ARB2A: variants seen among roughly 807,000 people sequenced by gnomAD.
The protein encoded by ARB2A is ARB2 cotranscriptional regulator A.
the ARB2A span, among the ~76,000 whole-genome samples, chr5:93,791,009 A>C: frequency 1.3e-5 from 2 of 152,222 alleles, no homozygotes; most frequent in African/African-American, 4.8e-5. Flanking sequence ...ATTCATCTCT[A>C]ATTTCTAAAA....
the ARB2A span, among the ~76,000 whole-genome samples, chr5:93,903,729 G>GTA: frequency 1.3e-5 from 2 of 151,498 alleles, no homozygotes; most frequent in African/African-American, 2.4e-5. Flanking sequence ...GTGTGTGTGT[G>GTA]TGTGTGTGTG....
At chr5:93,924,513 A>C in the ARB2A span, among the ~76,000 whole-genome samples, 1 of 152,144 alleles carries the variant, frequency 6.6e-6, no homozygotes, top group Non-Finnish European at 1.5e-5. Context: ...ACCACTGAAA[A>C]AGCTCTTAAT....
At chr5:94,030,946 CCAAA>C in the ARB2A span, among the ~76,000 whole-genome samples, 1 of 152,162 alleles carries the variant, frequency 6.6e-6, no homozygotes, top group African/African-American at 2.4e-5. Flanking sequence ...TCAACAGAAG[CCAAA>C]CAGACAATGG....
chr5:93,976,846 T>C, the ARB2A span, among the ~76,000 whole-genome samples: 2 of 152,140 alleles, frequency 1.3e-5, no homozygotes, highest in Admixed American at 6.5e-5. Context: ...TGATTCTATA[T>C]CTAGAAAACC....
chr5:93,957,407 C>T, the ARB2A span, among the ~76,000 whole-genome samples: 4 of 152,088 alleles, frequency 2.6e-5, no homozygotes, highest in African/African-American at 4.8e-5. Context: ...TCCGAAAATA[C>T]ATAGACAGGA....
the ARB2A span, among the ~76,000 whole-genome samples, chr5:93,669,885 T>A: frequency 6.6e-6 from 1 of 152,182 alleles, no homozygotes; most frequent in African/African-American, 2.4e-5. Context: ...TTTTTCTTTC[T>A]TATCCTGAAA....
the ARB2A span, among the ~76,000 whole-genome samples, chr5:93,904,134 C>T: frequency 6.6e-6 from 1 of 151,876 alleles, no homozygotes; most frequent in African/African-American, 2.4e-5. Flanking sequence ...ACTGTATAGA[C>T]TAAAGGGAAT....
At chr5:93,707,609 C>T in the ARB2A span, among the ~76,000 whole-genome samples, 1 of 145,948 alleles carries the variant, frequency 6.9e-6, no homozygotes, top group Non-Finnish European at 1.5e-5. Flanking sequence ...GAGTCTCACA[C>T]TGTCACCCAG....
chr5:93,789,630 C>T, the ARB2A span, among the ~76,000 whole-genome samples: 2 of 152,284 alleles, frequency 1.3e-5, no homozygotes, highest in Non-Finnish European at 2.9e-5. Flanking sequence ...GCATATTCTC[C>T]ATTTCATGGT....
chr5:93,626,795 T>A, the ARB2A span, among the ~76,000 whole-genome samples: 1 of 152,208 alleles, frequency 6.6e-6, no homozygotes, highest in African/African-American at 2.4e-5. Context: ...GAGTGATGAT[T>A]GCTAAAGATC....
the ARB2A span, among the ~76,000 whole-genome samples, chr5:93,725,969 C>A: frequency 7.2e-5 from 11 of 152,052 alleles, no homozygotes; most frequent in Admixed American, 5.9e-4. Context: ...GAAGGCCCTC[C>A]ACATAGCAGG....
At chr5:93,732,607 CTTAA>C in the ARB2A span, among the ~76,000 whole-genome samples, 1 of 151,294 alleles carries the variant, frequency 6.6e-6, no homozygotes, top group African/African-American at 2.4e-5. Context: ...AAACCCAAAC[CTTAA>C]TTTTTAGCAA....
chr5:93,929,950 A>C, the ARB2A span, among the ~76,000 whole-genome samples: 1 of 152,190 alleles, frequency 6.6e-6, no homozygotes, highest in Admixed American at 6.5e-5. Flanking sequence ...ATCTTCACTA[A>C]TCAGCAGGGT....
chr5:93,992,147 C>G, the ARB2A span, among the ~76,000 whole-genome samples: 10 of 152,000 alleles, frequency 6.6e-5, no homozygotes, highest in African/African-American at 2.4e-4. Flanking sequence ...AATCCCATCA[C>G]CTGGAACTCT....
the ARB2A span, among the ~76,000 whole-genome samples, chr5:94,064,024 A>C: frequency 2.6e-5 from 4 of 152,218 alleles, no homozygotes; most frequent in Admixed American, 1.3e-4. Flanking sequence ...ATGAAATCCC[A>C]GAAAAAGAAT....
chr5:93,683,693 T>C, the ARB2A span: 15 of 1,610,764 alleles, frequency 9.3e-6, no homozygotes, highest in Admixed American at 1.7e-4. Context: ...AGGGGGCTCA[T>C]GTCCATGTCC....
At chr5:93,778,071 C>T in the ARB2A span, among the ~76,000 whole-genome samples, 1 of 152,054 alleles carries the variant, frequency 6.6e-6, no homozygotes, top group Non-Finnish European at 1.5e-5. Flanking sequence ...TTCTTAAATA[C>T]TTTCTCTCTT....
chr5:93,767,141 T>G, the ARB2A span, among the ~76,000 whole-genome samples: 1 of 152,116 alleles, frequency 6.6e-6, no homozygotes, highest in Non-Finnish European at 1.5e-5. Context: ...TATACACATG[T>G]AACTAACCTG....
chr5:93,882,017 T>A, the ARB2A span, among the ~76,000 whole-genome samples: 1 of 151,374 alleles, frequency 6.6e-6, no homozygotes, highest in Non-Finnish European at 1.5e-5. Flanking sequence ...TAATTTATTT[T>A]CAAGTAAACT....
Sources: gnomAD v4.1 joint callset for allele counts (sites outside exome capture counted in the v4.1 genomes callset) on GRCh38, gnomAD v4.1.1 for gene constraint, MANE v1.5 for transcripts, NCBI Gene and HGNC (gene_info 2026-07-23, HGNC 2026-07-21) for gene names.